Variants in ARID5B observed in about 807,000 individuals in gnomAD.
The protein encoded by ARID5B is AT-rich interaction domain 5B.
ARID5B carries 13 observed loss-of-function variants against 97.2 expected under a neutral mutation model. The observed-to-expected ratio is 0.13, with a 90% CI of 0.09 to 0.21. ARID5B has a LOEUF of 0.21. Among genes scored for constraint, ARID5B ranks in the 10% least tolerant of loss-of-function variants. The probability of loss-of-function intolerance (pLI) is 1.00; values close to 1 mark genes in which losing one functional copy is unlikely to be tolerated. For synonymous variants in ARID5B, 556 were observed against 570.3 expected, an observed-to-expected ratio of 0.97 and a Z score of 0.36; for missense variants, 1,210 against 1,465.3, an observed-to-expected ratio of 0.83 and a Z score of 2.84.
chr10:61,961,673 A>C (rs1219825731), intron 3 of ARID5B, among the ~76,000 whole-genome samples: 1 of 152,180 alleles, frequency 6.6e-6, no homozygotes, highest in South Asian at 2.1e-4. Context: ...GACTCTTATC[A>C]GTGGTTTGAT....
intron 3 of ARID5B, among the ~76,000 whole-genome samples, chr10:61,975,250 T>C (rs1838683202): frequency 6.6e-6 from 1 of 152,152 alleles, no homozygotes; most frequent in Non-Finnish European, 1.5e-5. Context: ...TTCTGGAGCC[T>C]CTGGTTACCA....
At chr10:62,083,026 G>T (rs1431882916) in intron 8 of ARID5B, among the ~76,000 whole-genome samples, 2 of 151,654 alleles carry the variant, frequency 1.3e-5, no homozygotes, top group Non-Finnish European at 2.9e-5. Flanking sequence ...AGAAGGGGGG[G>T]AAAAAACACT....
At chr10:62,041,816 C>T in intron 4 of ARID5B, among the ~76,000 whole-genome samples, 1 of 152,160 alleles carries the variant, frequency 6.6e-6, no homozygotes, top group Non-Finnish European at 1.5e-5. Context: ...CAAGAATGTC[C>T]TGTTTATAAA....
At chr10:62,044,928 C>T (rs1839686826) in intron 4 of ARID5B, among the ~76,000 whole-genome samples, 2 of 152,134 alleles carry the variant, frequency 1.3e-5, no homozygotes, top group African/African-American at 4.8e-5. Flanking sequence ...TGAAAATAAA[C>T]TTGAATATTT....
intron 2 of ARID5B, among the ~76,000 whole-genome samples, chr10:61,936,118 T>C (rs1844295272): frequency 6.6e-6 from 1 of 152,226 alleles, no homozygotes; most frequent in South Asian, 2.1e-4. Flanking sequence ...TATAACACAT[T>C]GTTCCAAATT....
At chr10:61,933,323 C>T (rs949565555) in intron 2 of ARID5B, among the ~76,000 whole-genome samples, 2 of 152,198 alleles carry the variant, frequency 1.3e-5, no homozygotes, top group Non-Finnish European at 2.9e-5. Flanking sequence ...TGAAAGTCGT[C>T]ACCTATGAGG....
intron 7 of ARID5B, among the ~76,000 whole-genome samples, chr10:62,064,930 C>T (rs899987269): frequency 9.9e-5 from 15 of 151,986 alleles, no homozygotes; most frequent in Non-Finnish European, 1.9e-4. Context: ...CCCACTGCCA[C>T]GCCTGGCTAG....
intron 7 of ARID5B, among the ~76,000 whole-genome samples, chr10:62,062,137 T>C (rs1327655030): frequency 6.6e-6 from 1 of 152,234 alleles, no homozygotes; most frequent in Non-Finnish European, 1.5e-5. Context: ...AGATGTTCAA[T>C]GGGCATTGAA....
At chr10:62,070,653 G>A (rs112990837) in intron 8 of ARID5B, among the ~76,000 whole-genome samples, 6 of 151,966 alleles carry the variant, frequency 3.9e-5, no homozygotes, top group Admixed American at 1.3e-4. Flanking sequence ...TAGTATGGCC[G>A]TTCAACAAGA....
At chr10:61,930,329 T>C (rs1844182608) in intron 2 of ARID5B, among the ~76,000 whole-genome samples, 1 of 152,190 alleles carries the variant, frequency 6.6e-6, no homozygotes, top group South Asian at 2.1e-4. Context: ...TTCTGGACTG[T>C]CTTTTCAAAG....
chr10:62,051,274 C>T (rs1839786446), intron 5 of ARID5B, among the ~76,000 whole-genome samples: 2 of 152,162 alleles, frequency 1.3e-5, no homozygotes, highest in African/African-American at 4.8e-5. Context: ...GATGATTAAG[C>T]ACCCACGTCA....
At chr10:62,063,713 G>A (rs1839951655) in intron 7 of ARID5B, among the ~76,000 whole-genome samples, 2 of 152,160 alleles carry the variant, frequency 1.3e-5, no homozygotes, top group Admixed American at 1.3e-4. Context: ...ATTAATTGAC[G>A]AGGACCCTTC....
At chr10:62,084,359 A>G (rs1245461984) in intron 8 of ARID5B, among the ~76,000 whole-genome samples, 4 of 152,260 alleles carry the variant, frequency 2.6e-5, no homozygotes, top group Non-Finnish European at 1.5e-5. Flanking sequence ...GTTGAGATCC[A>G]AATAACATAG....
intron 4 of ARID5B, among the ~76,000 whole-genome samples, chr10:62,008,932 A>G (rs1839181900): frequency 6.6e-6 from 1 of 152,234 alleles, no homozygotes. Flanking sequence ...TCTTTAATGA[A>G]AAAATTATAG....
At chr10:61,902,705 G>GTGTGTGTA (rs1554836068) in intron 2 of ARID5B, among the ~76,000 whole-genome samples, 115 of 146,094 alleles carry the variant, frequency 7.9e-4, no homozygotes, top group African/African-American at 2.7e-3. Context: ...GTGTGTGTAT[G>GTGTGTGTA]TGTGTGTGTG....
In ARID5B at chr10:61,907,211, A is replaced by G. The variant is rs191430634; in HGVS notation, c.276+4798A>G. On this transcript the variant is annotated intron_variant, in intron 2 of 9. Transcript: ENST00000279873. ...GGATTTACATTTTAGTGCAGAAGTAAACTGTCAACTGGATCAGCAGGATTT... is the reference window on the plus strand; with the variant it reads ...GGATTTACATTTTAGTGCAGAAGTAGACTGTCAACTGGATCAGCAGGATTT... 3.3e-5 allele frequency among the ~76,000 whole-genome samples: 5 copies of G among 149,794 alleles called. No homozygotes were observed. The East Asian group carries it at 9.8e-4, about 29-fold the overall frequency.
intron 2 of ARID5B, among the ~76,000 whole-genome samples, chr10:61,905,285 G>A (rs1240492111): frequency 1.3e-5 from 2 of 152,136 alleles, no homozygotes; most frequent in Non-Finnish European, 2.9e-5. Context: ...CATTTCGAAA[G>A]GACAGCCAGG....
In ARID5B at chr10:62,000,470, G is replaced by T. The variant is rs1839062447; in HGVS notation, c.733+149G>T. The T allele has an allele frequency of 1.5e-6, 1 of 676,820 alleles. No individual in the cohort carries two copies. The highest frequency in any genetic ancestry group is 2.5e-6 in the Non-Finnish European group (1 of 405,918). 41.9% of individuals were successfully genotyped at this position (676,820 alleles called of 1,614,324 possible). A position where few individuals can be genotyped will look rare whatever the true frequency, so the allele number is the denominator to read the frequency against. The stretch of plus-strand genomic sequence containing the variant: ...CCCTCCCATCCCCCAAATTATTGCG[G>T]CATAAGGCGTCATTGCCTCCTTCGT... On this transcript the variant is annotated intron_variant, in intron 4 of 9. Coordinates refer to ENST00000279873, the MANE Select transcript of ARID5B (RefSeq NM_032199.3). The surrounding 1 kb of genome is among the most constrained non-coding windows in gnomAD (Gnocchi z 4.4).
chr10:61,936,033 T>C (rs1844293951), intron 2 of ARID5B, among the ~76,000 whole-genome samples: 1 of 152,230 alleles, frequency 6.6e-6, no homozygotes, highest in Admixed American at 6.5e-5. Context: ...AGGATCATTG[T>C]TTTGACCCTG....
Sources: allele counts gnomAD v4.1 joint callset (sites outside exome capture counted in the v4.1 genomes callset), GRCh38; gene constraint gnomAD v4.1.1; non-coding constraint Gnocchi (gnomAD v3.1); transcripts MANE v1.5; gene names NCBI Gene and HGNC (gene_info 2026-07-23, HGNC 2026-07-21).